NBR1: variants seen among roughly 807,000 people sequenced by gnomAD.
NBR1 encodes next to BRCA1 gene 1 protein.
In NBR1, 59 loss-of-function variants were observed where a neutral mutation model predicts 115.5. The observed-to-expected ratio is 0.51, with a 90% confidence interval of 0.41 to 0.63. The LOEUF is 0.63. Among genes scored for constraint, NBR1 ranks in the 30% least tolerant of loss-of-function variants. The pLI, the probability that NBR1 is intolerant of heterozygous loss-of-function variation, is 0.00. For synonymous variants in NBR1, 373 were observed against 414.7 expected (o/e 0.90, Z 1.22); for missense variants, 1,043 against 1,150.5 (o/e 0.91, Z 1.35).
chr17:43,187,090 G>A (rs939039837), intron 6 of NBR1, among the ~76,000 whole-genome samples: 4 of 152,140 alleles, frequency 2.6e-5, no homozygotes, highest in South Asian at 2.1e-4. Flanking sequence ...CTGAGGAATC[G>A]CCACACTGTC....
chr17:43,202,991 ACTAAAAATACAAAAATTAGCCAGG>A (rs1296124828), intron 19 of NBR1, among the ~76,000 whole-genome samples: 1 of 152,084 alleles, frequency 6.6e-6, no homozygotes, highest in Non-Finnish European at 1.5e-5. Flanking sequence ...CCCCATGTCT[ACTAAAAATACAAAAATTAGCCAGG>A]CATGGTGGCG....
At chr17:43,177,102 C>G (rs2154581939) in intron 2 of NBR1, among the ~76,000 whole-genome samples, 1 of 151,946 alleles carries the variant, frequency 6.6e-6, no homozygotes, top group South Asian at 2.1e-4. Context: ...AAAACCCCAT[C>G]TCTACCAAAA....
chr17:43,193,417 A>G lies in NBR1; in HGVS notation c.1303A>G (p.Lys435Glu). 1 of 1,613,978 alleles carries G rather than the reference A, an allele frequency of 6.2e-7. No individual in the cohort carries two copies. The highest frequency in any genetic ancestry group is 1.7e-5 in the Admixed American group (1 of 60,000). The change falls in exon 12 of 21, where the codon AAG (lysine) becomes GAG (glutamate). Residue 435 changes from lysine (K) to glutamate (E), a missense_variant. Physicochemically the swap from Lys to Glu is moderately conservative, Grantham distance 56. Transcript: ENST00000590996. ...EKKDVLVPCL[K>E]AGHVGVVSVE... is the part of the protein sequence containing the mutation. ...GAAGGATGTTTTGGTTCCCTGCCTCAAGGCCGGCCATGTGGGAGTTGTATC... is the reference window on the plus strand; with the variant it reads ...GAAGGATGTTTTGGTTCCCTGCCTCGAGGCCGGCCATGTGGGAGTTGTATC...
intron 4 of NBR1, among the ~76,000 whole-genome samples, chr17:43,180,215 G>A (rs1249239982): frequency 1.3e-5 from 2 of 152,086 alleles, no homozygotes; most frequent in Non-Finnish European, 2.9e-5. Flanking sequence ...CATCAATTAG[G>A]TGATTTTGTC....
rs2057082965 is a variant in NBR1 at position 43,196,996 on chromosome 17, C to G, written c.1916C>G (p.Ala639Gly). The G allele has an allele frequency of 1.2e-6, 2 of 1,613,892 alleles. No individual in the cohort carries two copies. Among genetic ancestry groups the G allele is most frequent in the Admixed American group, 3.3e-5 (2 of 59,996 alleles). ...GAGAACATTGCTTCTGTGGAGGAAG[C>G]AGAAGAAGACCTGAGTGGGACCCAG... ...KAENIASVEE[A>G]EEDLSGTQFV... The change falls in exon 16 of 21, where the codon GCA becomes GGA. Residue 639 changes from alanine (A) to glycine (G), a missense_variant. Ala to Gly is a moderately conservative substitution (Grantham distance 60, BLOSUM62 0). Coordinates refer to ENST00000590996, the MANE Select transcript of NBR1 (RefSeq NM_005899.5).
At chr17:43,202,172 T>G (rs139911384) in intron 18 of NBR1, among the ~76,000 whole-genome samples, 1,264 of 92,252 alleles carry the variant, frequency 0.014, 18 homozygotes, top group African/African-American at 0.039. Flanking sequence ...AGTGCGAGAC[T>G]CCGTCTGAAA....
At chr17:43,186,201 G>C (rs2154582103) in intron 5 of NBR1, 49 bp from the exon 6 acceptor site, 1 of 1,455,916 alleles carries the variant, frequency 6.9e-7, no homozygotes, top group Admixed American at 2.3e-5. Flanking sequence ...TGTTATTTAG[G>C]AGAAGATAAT....
chr17:43,196,942 A>C lies in NBR1; in HGVS notation c.1862A>C (p.Asp621Ala). The change falls in exon 16 of 21, where the codon GAT becomes GCT. Residue 621 changes from aspartate to alanine, a missense_variant and splice_region_variant. Transcript: ENST00000590996. The part of the protein sequence containing the change: ...NEGAGFKALP[D>A]SMVSVKRKAE... ...CAGATAAGGTTCGTGTGTCTTTCAGATTCTATGGTGTCAGTAAAGAGGAAG... is the reference window on the plus strand; with the variant it reads ...CAGATAAGGTTCGTGTGTCTTTCAGCTTCTATGGTGTCAGTAAAGAGGAAG... 1 of 1,613,948 alleles carries C rather than the reference A, an allele frequency of 6.2e-7. No individual in the cohort carries two copies. The highest frequency in any genetic ancestry group is 1.1e-5 in the South Asian group (1 of 91,078).
Position 43,210,770 on chromosome 17 carries a change from T to C in NBR1, c.*696T>C. The C allele has an allele frequency of 2.5e-6, 1 of 398,472 alleles. No individual in the cohort carries two copies. The highest frequency in any genetic ancestry group is 4.4e-6 in the Non-Finnish European group (1 of 226,006). The allele number at this position is 398,472 out of a possible 1,614,324, so 24.7% of individuals were successfully genotyped here. ...AGCACCTATTGAGCAATGTCTATTA[T>C]AGTAATTTTGCATACATTTTTATTT... On this transcript the variant is annotated 3_prime_UTR_variant, in exon 21 of 21. Coordinates refer to ENST00000590996, the MANE Select transcript of NBR1 (RefSeq NM_005899.5).
At chr17:43,192,415 C>G (rs2056970080) in intron 10 of NBR1, among the ~76,000 whole-genome samples, 1 of 151,940 alleles carries the variant, frequency 6.6e-6, no homozygotes, top group Non-Finnish European at 1.5e-5. Flanking sequence ...GTTGCCCAGG[C>G]TGGAGTGCAG....
At position 43,193,411 on chromosome 17, in the gene NBR1, T is replaced by G. The variant is rs1196650475; in HGVS notation, c.1297T>G (p.Cys433Gly). ...STEKKDVLVP[C>G]LKAGHVGVVS... is the part of the protein sequence containing the mutation. ...AGAAAAGAAGGATGTTTTGGTTCCC[T>G]GCCTCAAGGCCGGCCATGTGGGAGT... The change falls in exon 12 of 21, where the codon TGC (cysteine) becomes GGC (glycine). Residue 433 changes from cysteine to glycine, a missense_variant. Physicochemically the swap from Cys to Gly is radical, Grantham distance 159 (BLOSUM62 -3). Coordinates refer to ENST00000590996, the MANE Select transcript of NBR1 (RefSeq NM_005899.5). 6 of 1,614,006 alleles carry G rather than the reference T, an allele frequency of 3.7e-6. No individual in the cohort carries two copies. Among genetic ancestry groups the G allele is most frequent in the Non-Finnish European group, 5.1e-6 (6 of 1,179,884 alleles).
At chr17:43,200,669 G>A (rs571723925) in intron 17 of NBR1, 61 bp downstream of exon 17, 17 of 1,455,826 alleles carry the variant, frequency 1.2e-5, no homozygotes, top group East Asian at 2.3e-5. Flanking sequence ...GAGAGGAATC[G>A]ACCTGATCTC....
chr17:43,186,407 G>A lies in NBR1; in HGVS notation c.365G>A (p.Gly122Glu). 2 of 1,599,424 alleles carry A rather than the reference G, an allele frequency of 1.3e-6. No individual in the cohort carries two copies. The highest frequency in any genetic ancestry group is 2.3e-5 in the East Asian group (1 of 44,170). Residue 122 changes from glycine (G) to glutamate (E), a missense_variant, in exon 6 of 21, where the codon GGA (glycine) becomes GAA (glutamate). By Grantham distance (98) the Gly-to-Glu change is moderately conservative (BLOSUM62 -2). Coordinates refer to ENST00000590996, the MANE Select transcript of NBR1 (RefSeq NM_005899.5). ...AHYSSLVRVL[G>E]SDMKTPEDPA... ...TACTCTTCACTGGTGAGAGTCTTGGGATCAGACATGAAGACCCCAGAGGAT... is the reference window on the plus strand; with the variant it reads ...TACTCTTCACTGGTGAGAGTCTTGGAATCAGACATGAAGACCCCAGAGGAT...
chr17:43,190,478 C>T, intron 8 of NBR1, 131 bp from the exon 9 acceptor site: 2 of 889,548 alleles, frequency 2.2e-6, no homozygotes, highest in Non-Finnish European at 3.5e-6. Context: ...TGAGGCATGG[C>T]ATAGTCAGAT....
chr17:43,190,739 T>C lies in NBR1; in HGVS notation c.826T>C (p.Ser276Pro), dbSNP rs747883525. 2.5e-6 allele frequency: 4 copies of C among 1,611,978 alleles called. No homozygotes were observed. The highest frequency in any genetic ancestry group is 3.4e-6 in the Non-Finnish European group (4 of 1,178,510). ...TGAACCGTTCTGTCACTCAAAGTAC[T>C]CTACTCCTCGTCTTCCTGCTGCTCT... The part of the protein sequence containing the change: ...SSEPFCHSKY[S>P]TPRLPAALEQ... Residue 276 changes from serine to proline, a missense_variant, in exon 9 of 21, where the codon TCT (serine) becomes CCT (proline). Ser to Pro is a moderately conservative substitution (Grantham distance 74). Coordinates refer to ENST00000590996, the MANE Select transcript of NBR1 (RefSeq NM_005899.5).
At chr17:43,189,013 C>T (rs767129157) in intron 6 of NBR1, 29 bp from the exon 7 acceptor site, 1 of 1,513,074 alleles carries the variant, frequency 6.6e-7, no homozygotes, top group Non-Finnish European at 9.2e-7. Context: ...AAAGTAACCT[C>T]TAACATCTCG....
Position 43,201,675 on chromosome 17 carries a change from C to G in NBR1, c.2469-11C>G. 1 of 1,541,044 alleles carries G rather than the reference C, an allele frequency of 6.5e-7. No homozygotes were observed. ...TTTCAATTTACTTTCCATATTGTGT[C>G]TTTCTGAAAGGAGCTCTCCTTGTGT... On this transcript the variant is annotated splice_polypyrimidine_tract_variant and intron_variant, in intron 17 of 20. Coordinates refer to ENST00000590996, the MANE Select transcript of NBR1 (RefSeq NM_005899.5).
chr17:43,185,880 A>G (rs1273815649), intron 5 of NBR1, among the ~76,000 whole-genome samples: 1 of 152,072 alleles, frequency 6.6e-6, no homozygotes, highest in Non-Finnish European at 1.5e-5. Flanking sequence ...ACCTGTATGT[A>G]ATACCAGCTA....
chr17:43,185,724 C>T (rs1184602687), intron 5 of NBR1, among the ~76,000 whole-genome samples: 7 of 151,954 alleles, frequency 4.6e-5, no homozygotes, highest in Non-Finnish European at 5.9e-5. Context: ...AGGCTGGGCA[C>T]GGTGGCTCAT....
Sources: gnomAD v4.1 joint callset for allele counts (sites outside exome capture counted in the v4.1 genomes callset) on GRCh38, gnomAD v4.1.1 for gene constraint, MANE v1.5 for transcripts, NCBI Gene and HGNC (gene_info 2026-07-23, HGNC 2026-07-21) for gene names.